PTPRG: variants seen among roughly 807,000 people sequenced by gnomAD.
PTPRG encodes the protein receptor-type tyrosine-protein phosphatase gamma.
Under a neutral mutation model 165.3 loss-of-function variants are expected in PTPRG, and 102 were observed. The observed-to-expected ratio is 0.62, with a 90% confidence interval of 0.53 to 0.73. The LOEUF is 0.73. Among genes scored for constraint, PTPRG ranks in the 30% least tolerant of loss-of-function variants. The pLI is 0.00. For missense variants in PTPRG, 1,866 were observed against 1,861.4 expected (o/e 1.00, Z -0.05); for synonymous variants, 675 against 669.5 (o/e 1.01, Z -0.13).
chr3:62,124,517 T>G, intron 5 of PTPRG: 1 of 1,568,424 alleles, frequency 6.4e-7, no homozygotes. Flanking sequence ...GCTCATCAGG[T>G]CATCCACCGG....
intron 1 of PTPRG, among the ~76,000 whole-genome samples, chr3:61,732,568 G>C (rs1336541473): frequency 6.6e-6 from 1 of 150,604 alleles, no homozygotes; most frequent in Non-Finnish European, 1.5e-5. Context: ...AATTAGCCGC[G>C]CATGATGGCG....
chr3:62,113,192 C>G (rs1559521479), intron 5 of PTPRG, among the ~76,000 whole-genome samples: 1 of 152,168 alleles, frequency 6.6e-6, no homozygotes, highest in Non-Finnish European at 1.5e-5. Context: ...TGACCCCATC[C>G]AGCTCCACAT....
intron 1 of PTPRG, among the ~76,000 whole-genome samples, chr3:61,711,521 G>A (rs56007933): frequency 6.6e-6 from 1 of 152,190 alleles, no homozygotes; most frequent in Non-Finnish European, 1.5e-5. Context: ...CTAATGACCA[G>A]TGATGATGAG....
chr3:61,699,377 T>C (rs1199298146), intron 1 of PTPRG, among the ~76,000 whole-genome samples: 3 of 152,158 alleles, frequency 2.0e-5, no homozygotes, highest in African/African-American at 7.2e-5. Context: ...TCTGTTGTGA[T>C]ATTATAAGTC....
At chr3:61,621,033 G>GTATATATATATATATA (rs368012442) in intron 1 of PTPRG, among the ~76,000 whole-genome samples, 94 of 129,988 alleles carry the variant, frequency 7.2e-4, no homozygotes, top group South Asian at 2.9e-3. Context: ...GTGTGTGTGT[G>GTATATATATATATATA]TATATATATA....
intron 2 of PTPRG, among the ~76,000 whole-genome samples, chr3:61,974,286 A>G (rs1316329529): frequency 6.6e-6 from 1 of 152,056 alleles, no homozygotes. Flanking sequence ...TATGTCATTA[A>G]TCTTCTCAAA....
At chr3:62,061,624 TTTC>T (rs1700814703) in intron 4 of PTPRG, among the ~76,000 whole-genome samples, 1 of 118,634 alleles carries the variant, frequency 8.4e-6, no homozygotes, top group Non-Finnish European at 1.8e-5. Context: ...GGCTTTCTCT[TTTC>T]TTTTCTTTTT....
chr3:61,703,499 GT>G (rs1316170606), intron 1 of PTPRG, among the ~76,000 whole-genome samples: 3 of 152,166 alleles, frequency 2.0e-5, no homozygotes, highest in Non-Finnish European at 4.4e-5. Flanking sequence ...ACCAAAAATG[GT>G]ATTTCTAAGG....
chr3:61,635,203 A>G (rs1219957656), intron 1 of PTPRG, among the ~76,000 whole-genome samples: 2 of 152,072 alleles, frequency 1.3e-5, no homozygotes, highest in Non-Finnish European at 2.9e-5. Context: ...TTAAAATAAA[A>G]TCCAATAAAA....
chr3:62,195,094 C>A lies in PTPRG; in HGVS notation c.1251C>A (p.Ser417Arg), dbSNP rs1425357262. 1 of 1,614,226 alleles carries A rather than the reference C, an allele frequency of 6.2e-7. No individual in the cohort carries two copies. Among genetic ancestry groups the A allele is most frequent in the South Asian group, 1.1e-5 (1 of 91,084 alleles). Residue 417 changes from serine to arginine, a missense_variant, in exon 10 of 30, where the codon AGC (serine) becomes AGA (arginine). Ser to Arg is a moderately radical substitution (Grantham distance 110). Coordinates refer to ENST00000474889, the MANE Select transcript of PTPRG (RefSeq NM_002841.4). This position sits in a 1 kb window ranked among gnomAD's most constrained non-coding sequence, Gnocchi z 4.4. ...CCATTAGCCATGTCTCACCCGATAG[C>A]CTTTACCTGTTCCGAGTCCAGGCCG... is the stretch of plus-strand genomic sequence containing the variant. ...KATISHVSPD[S>R]LYLFRVQAVC...
At chr3:61,562,427 G>T in intron 1 of PTPRG, 55 bp downstream of exon 1, 1 of 1,564,546 alleles carries the variant, frequency 6.4e-7, no homozygotes, top group Non-Finnish European at 8.8e-7. Context: ...TTGGGGATGC[G>T]GAGTTGTCGC....
At chr3:61,812,895 A>T (rs1179510743) in intron 2 of PTPRG, among the ~76,000 whole-genome samples, 1 of 152,232 alleles carries the variant, frequency 6.6e-6, no homozygotes, top group African/African-American at 2.4e-5. Context: ...TTAGGATGCT[A>T]GGTTCATCTA....
At chr3:62,182,445 A>G (rs1705693686) in intron 8 of PTPRG, among the ~76,000 whole-genome samples, 1 of 152,154 alleles carries the variant, frequency 6.6e-6, no homozygotes, top group Non-Finnish European at 1.5e-5. Flanking sequence ...TTGCTATCTA[A>G]GTTCACAAAC....
intron 2 of PTPRG, among the ~76,000 whole-genome samples, chr3:61,820,603 G>GTTTTTTTTTTTTTTTTTTTTT (rs11329820): frequency 1.4e-4 from 9 of 65,732 alleles, no homozygotes; most frequent in African/African-American, 5.9e-4. Flanking sequence ...CTGTGTCTCT[G>GTTTTTTTTTTTTTTTTTTTTT]TTTTTTTTTT....
chr3:61,997,692 A>G lies in PTPRG; in HGVS notation c.371-5657A>G, dbSNP rs565292802. 2.1e-4 allele frequency among the ~76,000 whole-genome samples: 32 copies of G among 152,318 alleles called. No homozygotes were observed. The East Asian group carries it at 3.1e-3, about 15-fold the overall frequency. The stretch of plus-strand genomic sequence containing the variant: ...GTCCTTCCCATCGGCTGTAAGTTCC[A>G]TAAGGGCAAGAGTTGTGTCTGATTT... On this transcript the variant is annotated intron_variant, in intron 3 of 29. Transcript: ENST00000474889.
intron 4 of PTPRG, among the ~76,000 whole-genome samples, chr3:62,071,956 G>A (rs114317595): frequency 0.012 from 1,780 of 152,268 alleles, 12 homozygotes; most frequent in Non-Finnish European, 0.019. Context: ...ATGATTAAAA[G>A]TATCAAAGGC....
intron 4 of PTPRG, among the ~76,000 whole-genome samples, chr3:62,051,580 T>A (rs1239924320): frequency 1.3e-5 from 2 of 152,214 alleles, no homozygotes; most frequent in Non-Finnish European, 2.9e-5. Context: ...TGAGACCTAT[T>A]CAAATTTCTA....
chr3:61,789,289 A>G (rs2107119661), intron 2 of PTPRG, among the ~76,000 whole-genome samples: 1 of 152,052 alleles, frequency 6.6e-6, no homozygotes, highest in East Asian at 1.9e-4. Context: ...TTTTGTAGAG[A>G]CGGGGTCTCC....
chr3:62,148,955 C>T (rs1222806068), intron 6 of PTPRG, among the ~76,000 whole-genome samples: 2 of 152,046 alleles, frequency 1.3e-5, no homozygotes, highest in Non-Finnish European at 2.9e-5. Context: ...AGCCTCTTTC[C>T]TTGTAAACCT....
Sources: allele counts gnomAD v4.1 joint callset (sites outside exome capture counted in the v4.1 genomes callset), GRCh38; gene constraint gnomAD v4.1.1; non-coding constraint Gnocchi (gnomAD v3.1); transcripts MANE v1.5; gene names NCBI Gene and HGNC (gene_info 2026-07-23, HGNC 2026-07-21).